Variants in STX8 observed in about 807,000 individuals in gnomAD.
The protein encoded by STX8 is syntaxin-8.
STX8 carries 23 observed loss-of-function variants against 37.5 expected under a neutral mutation model. The ratio of observed to expected loss-of-function variants is 0.61; its 90% CI spans 0.44 to 0.87. STX8 has a LOEUF of 0.87. Among genes scored for constraint, STX8 ranks in the 40% least tolerant of loss-of-function variants. The pLI is 0.00. For synonymous variants in STX8, 115 were observed against 99.1 expected (o/e 1.16, Z -0.95); for missense variants, 313 against 284.7 (o/e 1.10, Z -0.71).
At chr17:9,286,511 G>A (rs1468780946) in intron 7 of STX8, among the ~76,000 whole-genome samples, 1 of 152,160 alleles carries the variant, frequency 6.6e-6, no homozygotes, top group Non-Finnish European at 1.5e-5. Context: ...GTTTGGTAGG[G>A]AGGCTCTGCA....
chr17:9,421,544 T>C (rs1398310177), intron 6 of STX8, among the ~76,000 whole-genome samples: 1 of 151,974 alleles, frequency 6.6e-6, no homozygotes, highest in African/African-American at 2.4e-5. Flanking sequence ...CTGGCTGCTT[T>C]ATCCTTTCCC....
intron 6 of STX8, among the ~76,000 whole-genome samples, chr17:9,441,803 G>A (rs1486818239): frequency 1.3e-5 from 2 of 150,250 alleles, no homozygotes; most frequent in Non-Finnish European, 3.0e-5. Flanking sequence ...AGCCTCCCAA[G>A]TAGCTGGGAC....
At chr17:9,415,390 TAGCC>T (rs1913150359) in intron 6 of STX8, among the ~76,000 whole-genome samples, 1 of 152,152 alleles carries the variant, frequency 6.6e-6, no homozygotes, top group Admixed American at 6.6e-5. Context: ...CTGGTATCTG[TAGCC>T]TCAAATAAGG....
In STX8 at chr17:9,274,744, C is replaced by T. The variant is rs1341859865; in HGVS notation, c.644-24099G>A. Among the ~76,000 whole-genome samples the T allele has an allele frequency of 2.7e-4, 24 of 88,890 alleles. 2 individuals carry two copies. The highest frequency in any genetic ancestry group is 4.1e-4 in the South Asian group (1 of 2,426). The allele number at this position is 88,890 out of a possible 152,430, so 58.3% of individuals were successfully genotyped here. ...AAAGTCTTCAAAAATACAACAATTTCTTTTTTCTTTTTTTTTTTTTTTTTT... is the reference window on the plus strand; with the variant it reads ...AAAGTCTTCAAAAATACAACAATTTTTTTTTTCTTTTTTTTTTTTTTTTTT... On this transcript the variant is annotated intron_variant, in intron 7 of 7. Coordinates refer to ENST00000306357, the MANE Select transcript of STX8 (RefSeq NM_004853.3).
At chr17:9,558,235 T>C (rs778093235) in intron 2 of STX8, among the ~76,000 whole-genome samples, 4 of 152,202 alleles carry the variant, frequency 2.6e-5, no homozygotes, top group Non-Finnish European at 4.4e-5. Context: ...TAAAACATAT[T>C]CAACCACGGA....
At chr17:9,326,447 A>T (rs565867255) in intron 7 of STX8, among the ~76,000 whole-genome samples, 81 of 152,132 alleles carry the variant, frequency 5.3e-4, no homozygotes, top group African/African-American at 1.8e-3. Flanking sequence ...TAGCCTGTTC[A>T]TCTAGTCTTC....
chr17:9,335,837 A>T (rs988371653), intron 7 of STX8, among the ~76,000 whole-genome samples: 3 of 148,730 alleles, frequency 2.0e-5, no homozygotes, highest in African/African-American at 7.3e-5. Context: ...ACGTAGACAC[A>T]CACACACACA....
At chr17:9,447,246 A>T (rs1316075788) in intron 6 of STX8, among the ~76,000 whole-genome samples, 2 of 152,256 alleles carry the variant, frequency 1.3e-5, no homozygotes, top group African/African-American at 2.4e-5. Context: ...GAATTTAAAC[A>T]CATACCCTTT....
intron 3 of STX8, among the ~76,000 whole-genome samples, chr17:9,552,517 A>G (rs145491341): frequency 4.7e-4 from 71 of 152,320 alleles, no homozygotes; most frequent in African/African-American, 1.6e-3. Context: ...AAATCTGTTC[A>G]GTCAGCCTCT....
At chr17:9,254,829 A>G (rs1470873168) in intron 7 of STX8, among the ~76,000 whole-genome samples, 2 of 152,148 alleles carry the variant, frequency 1.3e-5, no homozygotes, top group Non-Finnish European at 1.5e-5. Context: ...GGAAAGAGGC[A>G]CACACACACG....
At chr17:9,266,934 G>A (rs963267083) in intron 7 of STX8, among the ~76,000 whole-genome samples, 1 of 152,062 alleles carries the variant, frequency 6.6e-6, no homozygotes, top group Non-Finnish European at 1.5e-5. Context: ...CCCCTTTGTC[G>A]GGGCAGAAAA....
intron 7 of STX8, among the ~76,000 whole-genome samples, chr17:9,292,303 C>T (rs920414908): frequency 6.6e-6 from 1 of 152,222 alleles, no homozygotes; most frequent in Non-Finnish European, 1.5e-5. Context: ...GGGGCCTGTC[C>T]GTGGGGCTTC....
chr17:9,347,331 G>A (rs552714509), intron 7 of STX8, among the ~76,000 whole-genome samples: 6 of 152,182 alleles, frequency 3.9e-5, no homozygotes, highest in Non-Finnish European at 8.8e-5. Context: ...AGCTCCTAGA[G>A]AAATGACTCT....
intron 6 of STX8, among the ~76,000 whole-genome samples, chr17:9,418,839 A>AAAGGGG (rs1913303990): frequency 2.9e-5 from 1 of 34,340 alleles, no homozygotes. Context: ...AAAAAAAAAA[A>AAAGGGG]GGGGGGGGGG....
chr17:9,487,217 C>T (rs1420194789), intron 6 of STX8, among the ~76,000 whole-genome samples: 2 of 152,160 alleles, frequency 1.3e-5, no homozygotes, highest in South Asian at 2.1e-4. Context: ...CTAAGTACAA[C>T]GTATTTTGTT....
At chr17:9,470,408 A>T (rs1416945016) in intron 6 of STX8, among the ~76,000 whole-genome samples, 1 of 152,240 alleles carries the variant, frequency 6.6e-6, no homozygotes, top group African/African-American at 2.4e-5. Flanking sequence ...AAAGTTCTTC[A>T]GTCCTTTTCA....
At chr17:9,376,553 C>T (rs1319545877) in intron 7 of STX8, among the ~76,000 whole-genome samples, 1 of 152,200 alleles carries the variant, frequency 6.6e-6, no homozygotes, top group Non-Finnish European at 1.5e-5. Flanking sequence ...AGGCAGCAAC[C>T]CTGACCCGCT....
chr17:9,527,444 A>G (rs1182791498), intron 4 of STX8, among the ~76,000 whole-genome samples: 1 of 152,080 alleles, frequency 6.6e-6, no homozygotes, highest in Non-Finnish European at 1.5e-5. Context: ...ACCCTGTCTC[A>G]AAAAAATTAA....
At chr17:9,424,351 T>C (rs1913549018) in intron 6 of STX8, among the ~76,000 whole-genome samples, 1 of 151,906 alleles carries the variant, frequency 6.6e-6, no homozygotes, top group Non-Finnish European at 1.5e-5. Context: ...GCCTACTTTC[T>C]CAACCAGTTT....
Sources: allele counts gnomAD v4.1 joint callset (sites outside exome capture counted in the v4.1 genomes callset), GRCh38; gene constraint gnomAD v4.1.1; transcripts MANE v1.5; gene names NCBI Gene and HGNC (gene_info 2026-07-23, HGNC 2026-07-21).